The following PDE4D variants were observed in gnomAD, a reference collection of about 807,000 sequenced individuals.
PDE4D encodes the protein phosphodiesterase 4D, also known as 3',5'-cyclic-AMP phosphodiesterase 4D.
In PDE4D, 24 loss-of-function variants were observed where a neutral mutation model predicts 87.4. The ratio of observed to expected loss-of-function variants is 0.27; its 90% CI spans 0.20 to 0.39. The LOEUF (loss-of-function observed/expected upper bound fraction) is 0.39, where lower values mean the gene tolerates loss of function less well. PDE4D is among the 10% of genes least tolerant of loss of function. PDE4D has a pLI of 1.00. For missense variants in PDE4D, 714 were observed against 1,041.0 expected (o/e 0.69, Z 4.32); for synonymous variants, 384 against 383.2 (o/e 1.00, Z -0.02).
chr5:59,927,614 G>A (rs1755433609), intron 3 of PDE4D, among the ~76,000 whole-genome samples: 1 of 152,202 alleles, frequency 6.6e-6, no homozygotes, highest in South Asian at 2.1e-4. Context: ...GACTTGGTTT[G>A]ATTCAAGTGC....
intron 1 of PDE4D, among the ~76,000 whole-genome samples, chr5:60,485,710 GA>G (rs1386538609): frequency 4.6e-5 from 7 of 152,106 alleles, no homozygotes; most frequent in Non-Finnish European, 1.0e-4. Context: ...CTGTTTGGGA[GA>G]TTTTTTTTGC....
intron 2 of PDE4D, among the ~76,000 whole-genome samples, chr5:60,088,473 A>G (rs1774770554): frequency 6.6e-6 from 1 of 152,030 alleles, no homozygotes; most frequent in Non-Finnish European, 1.5e-5. Flanking sequence ...ATTAAGAGTT[A>G]GGCAATATAA....
chr5:59,003,397 G>A (rs995472414), intron 6 of PDE4D, among the ~76,000 whole-genome samples: 4 of 151,994 alleles, frequency 2.6e-5, no homozygotes, highest in African/African-American at 4.8e-5. Context: ...CCAAATTCTC[G>A]GCCTAAAATA....
chr5:59,729,202 A>ATAT (rs1458919761), intron 1 of PDE4D, among the ~76,000 whole-genome samples: 1 of 152,074 alleles, frequency 6.6e-6, no homozygotes, highest in African/African-American at 2.4e-5. Context: ...TTTTACTAAT[A>ATAT]TGTCTTTCCA....
chr5:59,358,791 A>G (rs1471744029), intron 1 of PDE4D, among the ~76,000 whole-genome samples: 1 of 152,098 alleles, frequency 6.6e-6, no homozygotes, highest in Non-Finnish European at 1.5e-5. Flanking sequence ...TGTTGCTGGC[A>G]AAGATGGACT....
chr5:59,716,779 T>C (rs1242708757), intron 1 of PDE4D, among the ~76,000 whole-genome samples: 1 of 152,178 alleles, frequency 6.6e-6, no homozygotes, highest in East Asian at 1.9e-4. Flanking sequence ...ACACTGCTTT[T>C]GGGTACTGAA....
In PDE4D at chr5:59,553,937, T is replaced by C. The variant is rs146918466; in HGVS notation, c.456-337969A>G. On this transcript the variant is annotated intron_variant, in intron 1 of 14. Transcript: ENST00000340635. The stretch of plus-strand genomic sequence containing the variant: ...AGTATAAAAAATAGAGCAAAGTATA[T>C]AATACAATAATAGCTATAGTTTTTT... Among the ~76,000 whole-genome samples, 15 of 152,208 alleles carry C rather than the reference T, an allele frequency of 9.9e-5. 1 individual carries two copies. The highest frequency in any genetic ancestry group is 3.6e-4 in the African/African-American group (15 of 41,552).
chr5:59,536,727 C>CT (rs1249327911), intron 1 of PDE4D, among the ~76,000 whole-genome samples: 1 of 151,988 alleles, frequency 6.6e-6, no homozygotes, highest in African/African-American at 2.4e-5. Context: ...TGAAAAGACT[C>CT]TTTTTTCTTT....
At chr5:59,078,500 G>T (rs2153422112) in intron 5 of PDE4D, among the ~76,000 whole-genome samples, 1 of 151,060 alleles carries the variant, frequency 6.6e-6, no homozygotes, top group East Asian at 1.9e-4. Context: ...AGTATTAAGA[G>T]GTAGGACTCT....
chr5:59,668,991 T>C lies in PDE4D; in HGVS notation c.455+224177A>G, dbSNP rs190190949. 1.6e-4 allele frequency among the ~76,000 whole-genome samples: 24 copies of C among 152,250 alleles called. No homozygotes were observed. In the East Asian group the frequency reaches 3.3e-3, roughly 21 times the overall value. On this transcript the variant is annotated intron_variant, in intron 1 of 14. Transcript: ENST00000340635. The stretch of plus-strand genomic sequence containing the variant: ...GAGGGTCACAGATTCTTTTGGAATA[T>C]ACATGCATATTTGGAGGACAGAATC...
chr5:59,490,721 T>C (rs1402300488), intron 1 of PDE4D, among the ~76,000 whole-genome samples: 1 of 152,248 alleles, frequency 6.6e-6, no homozygotes, highest in African/African-American at 2.4e-5. Context: ...ACCAAATTTA[T>C]CTTGTTCCTT....
intron 1 of PDE4D, among the ~76,000 whole-genome samples, chr5:59,265,514 T>C (rs1467094827): frequency 6.6e-6 from 1 of 152,070 alleles, no homozygotes; most frequent in Non-Finnish European, 1.5e-5. Context: ...CATTTAGAGT[T>C]CTTGATTATT....
intron 3 of PDE4D, among the ~76,000 whole-genome samples, chr5:59,961,613 G>A (rs1301488079): frequency 6.6e-6 from 1 of 152,172 alleles, no homozygotes; most frequent in African/African-American, 2.4e-5. Context: ...AAATTCTAGT[G>A]TGGAGAGATA....
intron 1 of PDE4D, among the ~76,000 whole-genome samples, chr5:60,408,746 C>T (rs910697632): frequency 2.0e-5 from 3 of 152,172 alleles, no homozygotes; most frequent in Non-Finnish European, 4.4e-5. Context: ...TGCTAGCCCA[C>T]TCTACCACCA....
chr5:60,449,792 C>T (rs898087888), intron 1 of PDE4D, among the ~76,000 whole-genome samples: 2 of 150,684 alleles, frequency 1.3e-5, no homozygotes, highest in Non-Finnish European at 3.0e-5. Flanking sequence ...TGGGTATATA[C>T]CCAGTGACGG....
At chr5:59,245,179 T>C (rs1451625238) in intron 1 of PDE4D, among the ~76,000 whole-genome samples, 2 of 152,048 alleles carry the variant, frequency 1.3e-5, no homozygotes, top group South Asian at 2.1e-4. Context: ...AATAATTGTG[T>C]TGTTAGGGGA....
Position 60,446,494 on chromosome 5 carries a change from A to G in PDE4D, c.-90+41448T>C, listed in dbSNP as rs139835057. On this transcript the variant is annotated intron_variant, in intron 1 of 16. Transcript: ENST00000502484. ...GGGGGGGAAAACAGACTTCAAAATC[A>G]TATTATCATATACTAGCCTGAGACA... 4.7e-3 allele frequency among the ~76,000 whole-genome samples: 722 copies of G among 152,276 alleles called. 10 individuals carry two copies. The highest frequency in any genetic ancestry group is 0.02 in the South Asian group (97 of 4,822).
chr5:58,975,578 T>TATCA lies in PDE4D; in HGVS notation c.2013+75_2013+78dup. On this transcript the variant is annotated intron_variant, in intron 14 of 14. Coordinates refer to ENST00000340635, the MANE Select transcript of PDE4D (RefSeq NM_001104631.2). This position sits in a 1 kb window ranked among gnomAD's most constrained non-coding sequence, Gnocchi z 4.2. ...TAATTTTAAAAATCCAGTAAAATAC[T>TATCA]ATCATATGTAATACAAAGTAACCAA... 9.1e-7 allele frequency: 1 copy of TATCA among 1,094,710 alleles called. No homozygotes were observed. Among genetic ancestry groups the TATCA allele is most frequent in the Non-Finnish European group, 1.2e-6 (1 of 812,694 alleles). The allele number at this position is 1,094,710 out of a possible 1,614,324, so 67.8% of individuals were successfully genotyped here.
At chr5:59,770,174 AG>A (rs1763295648) in intron 1 of PDE4D, among the ~76,000 whole-genome samples, 1 of 152,154 alleles carries the variant, frequency 6.6e-6, no homozygotes, top group Admixed American at 6.5e-5. Context: ...CCAATATAAA[AG>A]TTTTTGTCAC....
Sources: gnomAD v4.1 joint callset for allele counts (sites outside exome capture counted in the v4.1 genomes callset) on GRCh38, gnomAD v4.1.1 for gene constraint, Gnocchi (gnomAD v3.1) non-coding constraint, MANE v1.5 for transcripts, NCBI Gene and HGNC (gene_info 2026-07-23, HGNC 2026-07-21) for gene names.